UTP4: variants seen among roughly 807,000 people sequenced by gnomAD.
UTP4 encodes U3 small nucleolar RNA-associated protein 4 homolog.
UTP4 carries 45 observed loss-of-function variants against 82.4 expected under a neutral mutation model. The ratio of observed to expected loss-of-function variants is 0.55; its 90% CI spans 0.43 to 0.70. The LOEUF (loss-of-function observed/expected upper bound fraction) is 0.70. Among genes scored for constraint, UTP4 ranks in the 30% least tolerant of loss-of-function variants. The pLI is 0.00. For synonymous variants in UTP4, 348 were observed against 300.3 expected, an observed-to-expected ratio of 1.16 and a Z score of -1.64; for missense variants, 819 against 858.3, an observed-to-expected ratio of 0.95 and a Z score of 0.57.
intron 3 of UTP4, among the ~76,000 whole-genome samples, chr16:69,137,407 T>C (rs936404189): frequency 6.6e-6 from 1 of 152,202 alleles, no homozygotes; most frequent in South Asian, 2.1e-4. Flanking sequence ...GTCTGATTAT[T>C]TTTGATCTGC....
chr16:69,153,115 A>G (rs1963319148), intron 8 of UTP4, among the ~76,000 whole-genome samples: 1 of 151,992 alleles, frequency 6.6e-6, no homozygotes, highest in South Asian at 2.1e-4. Context: ...GCCATTCTCA[A>G]GGTCTTTTTG....
chr16:69,158,621 T>C (rs1963484433), intron 12 of UTP4, among the ~76,000 whole-genome samples: 1 of 152,164 alleles, frequency 6.6e-6, no homozygotes, highest in South Asian at 2.1e-4. Context: ...TATATCTAGC[T>C]CTCCTTGAGA....
At chr16:69,141,312 T>G (rs1962952826) in intron 5 of UTP4, among the ~76,000 whole-genome samples, 1 of 152,238 alleles carries the variant, frequency 6.6e-6, no homozygotes, top group African/African-American at 2.4e-5. Flanking sequence ...TTCACTTTCT[T>G]GGTTTACCCT....
chr16:69,143,060 G>T (rs985899046), intron 5 of UTP4, 118 bp from the exon 6 acceptor site: 6 of 1,012,528 alleles, frequency 5.9e-6, no homozygotes, highest in Admixed American at 1.8e-5. Context: ...GTCTCACTTC[G>T]TTGCCTAGGC....
intron 8 of UTP4, among the ~76,000 whole-genome samples, chr16:69,152,244 T>C (rs934242592): frequency 1.3e-5 from 2 of 151,838 alleles, no homozygotes; most frequent in African/African-American, 2.4e-5. Flanking sequence ...TATTTGCATT[T>C]GTGTCATTCT....
intron 14 of UTP4, among the ~76,000 whole-genome samples, chr16:69,164,844 T>C (rs1465864945): frequency 6.6e-6 from 1 of 151,986 alleles, no homozygotes; most frequent in Non-Finnish European, 1.5e-5. Flanking sequence ...CTCCGTGATA[T>C]AACACTGAGC....
In UTP4 at chr16:69,165,341, G is replaced by A. The variant is rs764915672; in HGVS notation, c.1648G>A (p.Val550Ile). 2.0e-5 allele frequency: 33 copies of A among 1,614,032 alleles called. No individual in the cohort carries two copies. The highest frequency in any genetic ancestry group is 2.5e-5 in the Non-Finnish European group (29 of 1,179,980). ...TTCTCTATGTCATGTCCTCCCTCAGGTATTTGAGTACAGCATCCCAGACAA... is the reference window on the plus strand; with the variant it reads ...TTCTCTATGTCATGTCCTCCCTCAGATATTTGAGTACAGCATCCCAGACAA... ...NLVIAHSDQQVFEYSIPDKQY... is the reference protein window; with the variant it reads ...NLVIAHSDQQIFEYSIPDKQY... Residue 550 changes from valine (V) to isoleucine (I), a missense_variant and splice_region_variant, in exon 15 of 17, where the codon GTA becomes ATA. Physicochemically the swap from Val to Ile is conservative, Grantham distance 29 (BLOSUM62 3). Coordinates refer to ENST00000314423, the MANE Select transcript of UTP4 (RefSeq NM_032830.3).
rs201368311 is a variant in UTP4, at chr16:69,163,880, G to GTTTT, written c.1647+705_1647+706insTTTT. On this transcript the variant is annotated intron_variant, in intron 14 of 16. Coordinates refer to ENST00000314423, the MANE Select transcript of UTP4 (RefSeq NM_032830.3). ...ATGATGCTTACTGCTTTGATGGTCA[G>GTTTT]TTTGTTTTTTTTTTTTTTTTTTTGA... Among the ~76,000 whole-genome samples the GTTTT allele has an allele frequency of 5.7e-4, 76 of 132,622 alleles. 1 individual carries two copies. The highest frequency in any genetic ancestry group is 1.9e-3 in the African/African-American group (66 of 34,652). The allele number at this position is 132,622 out of a possible 152,430, so 87.0% of individuals were successfully genotyped here.
rs995322345 is a variant in UTP4 at position 69,161,809 on chromosome 16, G to A, written c.1552-1274G>A. 3.3e-5 allele frequency among the ~76,000 whole-genome samples: 5 copies of A among 152,132 alleles called. No individual in the cohort carries two copies. In the East Asian group the frequency reaches 9.6e-4, roughly 29 times the overall value. ...GTCCTGAGTAGCTGGGACTACAGGCGAGTCCCACCACACCTAGCTAATCTT... is the reference window on the plus strand; with the variant it reads ...GTCCTGAGTAGCTGGGACTACAGGCAAGTCCCACCACACCTAGCTAATCTT... On this transcript the variant is annotated intron_variant, in intron 13 of 16. Coordinates refer to ENST00000314423, the MANE Select transcript of UTP4 (RefSeq NM_032830.3).
rs377315330 is a variant in UTP4, at chr16:69,136,420, G to A, written c.160-276G>A. On this transcript the variant is annotated intron_variant, in intron 2 of 16. Coordinates refer to ENST00000314423, the MANE Select transcript of UTP4 (RefSeq NM_032830.3). ...TTTTTATATTTTTTGTAGAGACAGT[G>A]TCTCACTCTGTCGTCCAGGCTGGAA... 3.9e-5 allele frequency among the ~76,000 whole-genome samples: 6 copies of A among 152,300 alleles called. 1 individual carries two copies. The highest frequency in any genetic ancestry group is 1.4e-4 in the African/African-American group (6 of 41,552).
chr16:69,140,200 T>G (rs936705258), intron 5 of UTP4, among the ~76,000 whole-genome samples: 6 of 152,200 alleles, frequency 3.9e-5, no homozygotes, highest in Non-Finnish European at 8.8e-5. Context: ...AACAGTAGAA[T>G]TACCTATTTA....
intron 5 of UTP4, among the ~76,000 whole-genome samples, chr16:69,141,774 T>G (rs935760001): frequency 2.0e-5 from 3 of 151,676 alleles, no homozygotes; most frequent in Non-Finnish European, 2.9e-5. Flanking sequence ...GAATCTTCTT[T>G]TTTACAGCAT....
At chr16:69,152,519 G>A (rs941632598) in intron 8 of UTP4, among the ~76,000 whole-genome samples, 5 of 149,060 alleles carry the variant, frequency 3.4e-5, no homozygotes, top group Admixed American at 2.7e-4. Flanking sequence ...GCCCAGGCTG[G>A]AGTGTAGTAG....
intron 8 of UTP4, among the ~76,000 whole-genome samples, chr16:69,152,021 G>A (rs529315070): frequency 2.6e-4 from 40 of 150,968 alleles, no homozygotes; most frequent in African/African-American, 9.7e-4. Flanking sequence ...TAGATAGATA[G>A]ATAGATAGAT....
rs1963720435 is a variant in UTP4 at position 69,167,081 on chromosome 16, C to T, written c.1840C>T (p.Pro614Ser). 6.2e-7 allele frequency: 1 copy of T among 1,611,994 alleles called. No homozygotes were observed. Among genetic ancestry groups the T allele is most frequent in the Non-Finnish European group, 8.5e-7 (1 of 1,178,122 alleles). ...FCIIDKSLPL[P>S]NDKTLLYNPF... ...TGTGTCTTTGTTTTTTTAGCCCCTT[C>T]CAAATGACAAAACCTTACTCTACAA... The change falls in exon 16 of 17, where the codon CCA becomes TCA. Residue 614 changes from proline (P) to serine (S), a missense_variant. By Grantham distance (74) the Pro-to-Ser change is moderately conservative. Coordinates refer to ENST00000314423, the MANE Select transcript of UTP4 (RefSeq NM_032830.3).
chr16:69,134,702 C>CTTTTTTTTTTTTTTTT (rs751705922), intron 2 of UTP4, among the ~76,000 whole-genome samples: 6 of 131,518 alleles, frequency 4.6e-5, no homozygotes, highest in African/African-American at 8.4e-5. Flanking sequence ...TTTTCTTTTT[C>CTTTTTTTTTTTTTTTT]TTTTTTTTTT....
intron 6 of UTP4, among the ~76,000 whole-genome samples, chr16:69,146,115 A>G (rs1963101895): frequency 6.6e-6 from 1 of 152,082 alleles, no homozygotes; most frequent in African/African-American, 2.4e-5. Flanking sequence ...AAAAAGAAAA[A>G]AAAAGATATT....
At chr16:69,156,696 G>A (rs918506416) in intron 11 of UTP4, among the ~76,000 whole-genome samples, 1 of 151,914 alleles carries the variant, frequency 6.6e-6, no homozygotes, top group African/African-American at 2.4e-5. Context: ...GACCTCAGGT[G>A]ATCCACCCCC....
At chr16:69,156,615 G>A (rs1597148276) in intron 11 of UTP4, among the ~76,000 whole-genome samples, 1 of 151,406 alleles carries the variant, frequency 6.6e-6, no homozygotes, top group Non-Finnish European at 1.5e-5. Context: ...CCCACCACCA[G>A]GCCTGGCTAC....
Sources: gnomAD v4.1 joint callset for allele counts (sites outside exome capture counted in the v4.1 genomes callset) on GRCh38, gnomAD v4.1.1 for gene constraint, MANE v1.5 for transcripts, NCBI Gene and HGNC (gene_info 2026-07-23, HGNC 2026-07-21) for gene names.